SPAG16: variants seen among roughly 807,000 people sequenced by gnomAD.
SPAG16 encodes the protein sperm associated antigen 16.
Under a neutral mutation model 80.4 loss-of-function variants are expected in SPAG16, and 86 were observed. That is an observed-to-expected ratio of 1.07 (90% confidence interval 0.90 to 1.28). SPAG16 has a LOEUF of 1.28. Ranked by LOEUF, SPAG16 falls within the 50% of genes most tolerant of loss-of-function variation. SPAG16 has a pLI of 0.00. For missense variants in SPAG16, 870 were observed against 765.3 expected, an observed-to-expected ratio of 1.14 and a Z score of -1.61; for synonymous variants, 294 against 265.9, an observed-to-expected ratio of 1.11 and a Z score of -1.03.
At chr2:213,339,761 G>A (rs1029960890) in intron 5 of SPAG16, among the ~76,000 whole-genome samples, 2 of 151,630 alleles carry the variant, frequency 1.3e-5, no homozygotes, top group Admixed American at 6.6e-5. Flanking sequence ...TACATTCTAG[G>A]AAGTTCAGAG....
At chr2:214,346,227 A>C (rs905255343) in intron 15 of SPAG16, among the ~76,000 whole-genome samples, 9 of 151,728 alleles carry the variant, frequency 5.9e-5, no homozygotes, top group Non-Finnish European at 1.0e-4. Flanking sequence ...AGCGTGTTGT[A>C]GCATTTTATT....
chr2:214,182,773 C>T (rs1424718355), intron 15 of SPAG16, among the ~76,000 whole-genome samples: 3 of 151,834 alleles, frequency 2.0e-5, no homozygotes, highest in African/African-American at 7.3e-5. Flanking sequence ...GAAACGATCT[C>T]CTTACAAGGT....
At chr2:214,233,391 A>AGATG (rs144162089) in intron 15 of SPAG16, among the ~76,000 whole-genome samples, 1 of 150,934 alleles carries the variant, frequency 6.6e-6, no homozygotes, top group South Asian at 2.1e-4. Flanking sequence ...ATGGTAGAAT[A>AGATG]GATGGATGGA....
intron 12 of SPAG16, among the ~76,000 whole-genome samples, chr2:213,952,334 A>G (rs527519732): frequency 1.3e-4 from 20 of 152,170 alleles, no homozygotes; most frequent in African/African-American, 4.6e-4. Flanking sequence ...TTCAGAAAAC[A>G]AGGAGACGTT....
intron 13 of SPAG16, among the ~76,000 whole-genome samples, chr2:214,063,646 G>C (rs1445999095): frequency 6.6e-6 from 1 of 151,966 alleles, no homozygotes. Context: ...TGAATTTTGG[G>C]GACATTCAGA....
chr2:214,082,053 T>C (rs2051420320), intron 13 of SPAG16, among the ~76,000 whole-genome samples: 1 of 152,154 alleles, frequency 6.6e-6, no homozygotes, highest in African/African-American at 2.4e-5. Flanking sequence ...TTTGATATCC[T>C]CTTCTTATGT....
intron 5 of SPAG16, among the ~76,000 whole-genome samples, chr2:213,337,588 A>G (rs1167197450): frequency 3.3e-5 from 5 of 152,228 alleles, no homozygotes; most frequent in Non-Finnish European, 7.3e-5. Context: ...AACAAGCATC[A>G]ATAGCCAAAG....
chr2:214,000,625 TACACAGGGCTG>T, intron 12 of SPAG16, among the ~76,000 whole-genome samples: 1 of 152,302 alleles, frequency 6.6e-6, no homozygotes, highest in East Asian at 1.9e-4. Context: ...TGTTTAACTC[TACACAGGGCTG>T]ACAAGTGTAA....
chr2:213,950,677 C>A (rs2079711399), intron 12 of SPAG16, among the ~76,000 whole-genome samples: 1 of 141,098 alleles, frequency 7.1e-6, no homozygotes, highest in Non-Finnish European at 1.5e-5. Context: ...TCCCTCCTTC[C>A]TTCTCTCTCT....
intron 15 of SPAG16, among the ~76,000 whole-genome samples, chr2:214,285,798 A>G (rs1047961819): frequency 9.9e-5 from 15 of 152,086 alleles, no homozygotes; most frequent in African/African-American, 3.1e-4. Flanking sequence ...GCAAGACTCC[A>G]TCTCAAATAA....
chr2:214,290,954 T>A (rs557236852), intron 15 of SPAG16, among the ~76,000 whole-genome samples: 1 of 152,354 alleles, frequency 6.6e-6, no homozygotes, highest in Admixed American at 6.5e-5. Flanking sequence ...TTAAATCTAC[T>A]GTATTAACAT....
chr2:213,688,180 C>T (rs1419057458), intron 10 of SPAG16, among the ~76,000 whole-genome samples: 9 of 152,118 alleles, frequency 5.9e-5, no homozygotes, highest in Non-Finnish European at 1.2e-4. Context: ...GTCTAAAGAC[C>T]TTGGATCAAC....
At chr2:213,430,204 AATGG>A (rs2070203482) in intron 9 of SPAG16, among the ~76,000 whole-genome samples, 1 of 152,232 alleles carries the variant, frequency 6.6e-6, no homozygotes, top group East Asian at 1.9e-4. Flanking sequence ...TACAAAATAC[AATGG>A]AAAGTTTCAA....
intron 15 of SPAG16, among the ~76,000 whole-genome samples, chr2:214,397,747 A>G (rs1701480439): frequency 6.6e-6 from 1 of 152,216 alleles, no homozygotes; most frequent in African/African-American, 2.4e-5. Flanking sequence ...ATAGAAGGTA[A>G]AGCACAGTTT....
chr2:213,754,035 G>A (rs1255644318), intron 10 of SPAG16, among the ~76,000 whole-genome samples: 1 of 152,180 alleles, frequency 6.6e-6, no homozygotes, highest in African/African-American at 2.4e-5. Context: ...TTCTAACCTA[G>A]TATTTATCAA....
At chr2:214,054,925 A>G (rs1312760804) in intron 13 of SPAG16, among the ~76,000 whole-genome samples, 1 of 152,208 alleles carries the variant, frequency 6.6e-6, no homozygotes, top group East Asian at 1.9e-4. Flanking sequence ...AGATTTGCTG[A>G]GACCCATAAT....
intron 10 of SPAG16, among the ~76,000 whole-genome samples, chr2:213,795,961 G>T (rs1021650696): frequency 6.6e-6 from 1 of 152,084 alleles, no homozygotes; most frequent in Non-Finnish European, 1.5e-5. Flanking sequence ...CTTTATAGCA[G>T]TGAAAGAATG....
At chr2:213,550,465 C>A (rs1374363948) in intron 10 of SPAG16, among the ~76,000 whole-genome samples, 1 of 152,138 alleles carries the variant, frequency 6.6e-6, no homozygotes, top group Non-Finnish European at 1.5e-5. Flanking sequence ...GGAAAACATG[C>A]TGCTGGTACT....
At chr2:213,971,979 A>G (rs2045089691) in intron 12 of SPAG16, among the ~76,000 whole-genome samples, 2 of 151,486 alleles carry the variant, frequency 1.3e-5, no homozygotes, top group Admixed American at 6.6e-5. Flanking sequence ...GCATAGCCAT[A>G]TATATTTATG....
Sources: allele counts gnomAD v4.1 joint callset (sites outside exome capture counted in the v4.1 genomes callset), GRCh38; gene constraint gnomAD v4.1.1; transcripts MANE v1.5; gene names NCBI Gene and HGNC (gene_info 2026-07-23, HGNC 2026-07-21).